NSD2: variants seen among roughly 807,000 people sequenced by gnomAD.
NSD2 encodes nuclear receptor binding SET domain protein 2, also known as histone-lysine N-methyltransferase NSD2.
NSD2 carries 12 observed loss-of-function variants against 139.0 expected under a neutral mutation model. That is an observed-to-expected ratio of 0.09 (90% CI 0.06 to 0.14). The LOEUF (loss-of-function observed/expected upper bound fraction) is 0.14. Ranked by LOEUF, NSD2 falls within the 10% of genes least tolerant of loss-of-function variation. The pLI, the probability that NSD2 is intolerant of heterozygous loss-of-function variation, is 1.00. For synonymous variants in NSD2, 669 were observed against 648.7 expected (o/e 1.03, Z -0.48); for missense variants, 1,155 against 1,745.0 (o/e 0.66, Z 6.02).
At chr4:1,895,580 A>G (rs963687047) in intron 1 of NSD2, among the ~76,000 whole-genome samples, 3 of 152,124 alleles carry the variant, frequency 2.0e-5, no homozygotes, top group African/African-American at 7.2e-5. Context: ...TCATGAAAAC[A>G]GTAATTTCCT....
chr4:1,878,319 G>A (rs1714452696), intron 1 of NSD2, among the ~76,000 whole-genome samples: 1 of 136,036 alleles, frequency 7.4e-6, no homozygotes, highest in South Asian at 2.3e-4. Context: ...TGTTGGCCAG[G>A]CTGGTCTCGA....
Position 1,918,500 on chromosome 4 carries a change from T to C in NSD2, c.1287T>C (p.Ala429=). ...GKSTPQKTAE[A]DPRRGVGSPP... is the part of the protein sequence containing the mutation. ...GTACTCCTCAAAAGACGGCAGAGGC[T>C]GACCCCAGAAGAGGAGTAGGGTCTC... Residue 429 remains alanine (A), a synonymous_variant, in exon 5 of 22, where the codon GCT becomes GCC. Coordinates refer to ENST00000508803, the MANE Select transcript of NSD2 (RefSeq NM_001042424.3). 1 of 1,614,006 alleles carries C rather than the reference T, an allele frequency of 6.2e-7. No individual in the cohort carries two copies. The highest frequency in any genetic ancestry group is 1.1e-5 in the South Asian group (1 of 91,058).
chr4:1,942,026 A>G lies in NSD2; in HGVS notation c.1881+2248A>G. ...ACCCATTGGGTCACACCCCCTTTGC[A>G]TGTTTGTATTTCCTCCCTTTCATCA... is the stretch of plus-strand genomic sequence containing the variant. On this transcript the variant is annotated intron_variant, in intron 9 of 21. Coordinates refer to ENST00000508803, the MANE Select transcript of NSD2 (RefSeq NM_001042424.3). The surrounding 1 kb of genome is among the most constrained non-coding windows in gnomAD (Gnocchi z 4.0). 1 of 1,153,236 alleles carries G rather than the reference A, an allele frequency of 8.7e-7. No individual in the cohort carries two copies. 71.4% of individuals were successfully genotyped at this position (1,153,236 alleles called of 1,614,324 possible). A position where few individuals can be genotyped will look rare whatever the true frequency, so the allele number is the denominator to read the frequency against.
intron 9 of NSD2, among the ~76,000 whole-genome samples, chr4:1,950,839 T>C (rs998336448): frequency 2.0e-5 from 3 of 152,226 alleles, no homozygotes; most frequent in Non-Finnish European, 2.9e-5. Flanking sequence ...ATATGCTAAA[T>C]ACTAGGTAGA....
chr4:1,975,201 TAA>T (rs1726945739), intron 19 of NSD2, 91 bp from the exon 20 acceptor site: 4 of 1,426,534 alleles, frequency 2.8e-6, no homozygotes, highest in Admixed American at 3.7e-5. Context: ...ACAAAAATAA[TAA>T]GAGTATTTTT....
In NSD2 at chr4:1,890,384, C is replaced by T. The variant is rs576971807; in HGVS notation, c.-29-10242C>T. On this transcript the variant is annotated intron_variant, in intron 1 of 21. Coordinates refer to ENST00000508803, the MANE Select transcript of NSD2 (RefSeq NM_001042424.3). ...CATGATCTCGGCTCACTGCAAGCTC[C>T]GCCTCCCGGGTTCACGCCATTCTCC... is the stretch of plus-strand genomic sequence containing the variant. 3.6e-4 allele frequency among the ~76,000 whole-genome samples: 55 copies of T among 151,940 alleles called. 1 individual carries two copies. In the South Asian group the frequency reaches 0.011, roughly 29 times the overall value.
chr4:1,880,612 C>CAAA (rs549555052), intron 1 of NSD2, among the ~76,000 whole-genome samples: 223 of 118,744 alleles, frequency 1.9e-3, no homozygotes, highest in African/African-American at 6.5e-3. Context: ...ATACTCCTGC[C>CAAA]AAAAAAAAAA....
chr4:1,955,350 CTGGGGGT>C lies in NSD2; in HGVS notation c.2518+11_2518+17del. ...TTCGTGTGCTCCAAAGGTGAGGGGC[CTGGGGGT>C]GTCTGCGGCACACGCCTCTCACACT... On this transcript the variant is annotated intron_variant, in intron 13 of 21. Transcript: ENST00000508803. The surrounding 1 kb of genome is among the most constrained non-coding windows in gnomAD (Gnocchi z 4.7). The C allele has an allele frequency of 6.2e-7, 1 of 1,602,730 alleles. No homozygotes were observed. The highest frequency in any genetic ancestry group is 1.7e-5 in the Admixed American group (1 of 59,808).
intron 6 of NSD2, 94 bp downstream of exon 6, chr4:1,930,864 C>T: frequency 1.4e-6 from 2 of 1,453,924 alleles, no homozygotes; most frequent in East Asian, 2.4e-5. Flanking sequence ...GGAAGTGTGT[C>T]CACTCTCCCT....
chr4:1,906,100 C>T (rs1402743388), intron 3 of NSD2, among the ~76,000 whole-genome samples: 4 of 152,168 alleles, frequency 2.6e-5, no homozygotes, highest in Non-Finnish European at 5.9e-5. Context: ...ACACAAGCAG[C>T]TCTTACTGAT....
chr4:1,935,134 C>G lies in NSD2; in HGVS notation c.1556-10C>G. ...TTTTCATGTACATTTTCCCCATTCC[C>G]CATTCCAAGGTAATGTAAATGGGAA... On this transcript the variant is annotated splice_polypyrimidine_tract_variant and intron_variant, in intron 6 of 21. Coordinates refer to ENST00000508803, the MANE Select transcript of NSD2 (RefSeq NM_001042424.3). 1 of 1,601,538 alleles carries G rather than the reference C, an allele frequency of 6.2e-7. No homozygotes were observed.
In NSD2 at chr4:1,955,328, G is replaced by A. The variant is rs139637100; in HGVS notation, c.2506G>A (p.Val836Met). The A allele has an allele frequency of 6.2e-6, 10 of 1,612,632 alleles. No homozygotes were observed. The highest frequency in any genetic ancestry group is 4.0e-5 in the African/African-American group (3 of 74,896). The change falls in exon 13 of 22, where the codon GTG becomes ATG. Residue 836 changes from valine to methionine, a missense_variant. This residue lies in a region of NSD2 where 120 missense variants were observed against 239.3 expected (regional missense o/e 0.50). Coordinates refer to ENST00000508803, the MANE Select transcript of NSD2 (RefSeq NM_001042424.3). The surrounding 1 kb of genome is among the most constrained non-coding windows in gnomAD (Gnocchi z 4.7). ...HAHVNVSWCFVCSKGGSLLCC... is the reference protein window; with the variant it reads ...HAHVNVSWCFMCSKGGSLLCC... ...CCACGTCAACGTGAGCTGGTGCTTC[G>A]TGTGCTCCAAAGGTGAGGGGCCTGG...
At chr4:1,898,308 A>G (rs1159665840) in intron 1 of NSD2, among the ~76,000 whole-genome samples, 1 of 152,190 alleles carries the variant, frequency 6.6e-6, no homozygotes, top group Non-Finnish European at 1.5e-5. Flanking sequence ...GCTGGTCTTG[A>G]ATTCCTGGAC....
chr4:1,901,302 T>C, intron 2 of NSD2, 51 bp downstream of exon 2: 1 of 1,478,430 alleles, frequency 6.8e-7, no homozygotes, highest in African/African-American at 1.4e-5. Flanking sequence ...GCAGTGAGCA[T>C]GGCCACCCTA....
intron 5 of NSD2, among the ~76,000 whole-genome samples, chr4:1,928,499 GT>G (rs1469989863): frequency 6.6e-6 from 1 of 152,132 alleles, no homozygotes; most frequent in African/African-American, 2.4e-5. Flanking sequence ...CAGTTTCACC[GT>G]GAAGCTCGGA....
chr4:1,938,564 T>G, intron 8 of NSD2, 32 bp downstream of exon 8: 1 of 1,581,644 alleles, frequency 6.3e-7, no homozygotes, highest in Non-Finnish European at 8.6e-7. Context: ...CCTTCTTGGC[T>G]TCTGGGTGCC....
chr4:1,923,967 G>A (rs1235288723), intron 5 of NSD2, among the ~76,000 whole-genome samples: 1 of 152,188 alleles, frequency 6.6e-6, no homozygotes, highest in Non-Finnish European at 1.5e-5. Flanking sequence ...TCTAAAAAGT[G>A]TAAGTGGGCA....
In NSD2 at chr4:1,956,236, T is replaced by C; in HGVS notation, c.2881+48T>C. On this transcript the variant is annotated intron_variant, in intron 15 of 21. Transcript: ENST00000508803. The surrounding 1 kb of genome is among the most constrained non-coding windows in gnomAD (Gnocchi z 5.3). Reference sequence around the variant, plus strand: ...AGTGAGACAGCACTCTCGTGCATTTTCTTACCCCTAATTTCTATTTTTTAA... The same window carrying C: ...AGTGAGACAGCACTCTCGTGCATTTCCTTACCCCTAATTTCTATTTTTTAA... 1 of 1,474,530 alleles carries C rather than the reference T, an allele frequency of 6.8e-7. No homozygotes were observed. The highest frequency in any genetic ancestry group is 9.1e-7 in the Non-Finnish European group (1 of 1,096,036). 91.3% of individuals were successfully genotyped at this position (1,474,530 alleles called of 1,614,324 possible).
At chr4:1,951,470 A>C (rs1341083998) in intron 10 of NSD2, among the ~76,000 whole-genome samples, 1 of 93,486 alleles carries the variant, frequency 1.1e-5, no homozygotes, top group Non-Finnish European at 2.2e-5. Flanking sequence ...ACACACACAC[A>C]CACACACACA....
Sources: gnomAD v4.1 joint callset for allele counts (sites outside exome capture counted in the v4.1 genomes callset) on GRCh38, gnomAD v4.1.1 for gene constraint, gnomAD v4.1.1 regional missense constraint, Gnocchi (gnomAD v3.1) non-coding constraint, MANE v1.5 for transcripts, NCBI Gene and HGNC (gene_info 2026-07-23, HGNC 2026-07-21) for gene names.